Variants in TRIM38 observed in about 807,000 individuals in gnomAD.
TRIM38 encodes the protein E3 ubiquitin-protein ligase TRIM38.
A neutral mutation model predicts 35.8 loss-of-function variants in TRIM38; 35 were observed. The ratio of observed to expected loss-of-function variants is 0.98; its 90% CI spans 0.75 to 1.30. The LOEUF is 1.30. Among genes scored for constraint, TRIM38 ranks in the 50% most tolerant of loss-of-function variants. The pLI is 0.00. For synonymous variants in TRIM38, 198 were observed against 204.7 expected (o/e 0.97, Z 0.28); for missense variants, 545 against 556.9 (o/e 0.98, Z 0.21).
Position 25,983,514 on chromosome 6 carries a change from C to T in TRIM38, c.1225C>T (p.Pro409Ser). The T allele has an allele frequency of 6.2e-7, 1 of 1,614,116 alleles. No individual in the cohort carries two copies. Residue 409 changes from proline to serine, a missense_variant, in exon 8 of 8, where the codon CCC becomes TCC. Coordinates refer to ENST00000357085, the MANE Select transcript of TRIM38 (RefSeq NM_006355.5). Reference protein sequence around the residue: ...PPTSLHLHEQPLLVGIFLDYE... With the variant: ...PPTSLHLHEQSLLVGIFLDYE... ...AACTTCCCTTCATCTGCATGAGCAG[C>T]CCCTGCTTGTGGGAATTTTTCTGGA... is the stretch of plus-strand genomic sequence containing the variant.
chr6:25,975,276 C>G (rs1413099852), intron 7 of TRIM38: 1 of 318,298 alleles, frequency 3.1e-6, no homozygotes, highest in Non-Finnish European at 4.5e-6. Flanking sequence ...GTGCCGCAAT[C>G]TCAGCTCACT....
intron 7 of TRIM38, among the ~76,000 whole-genome samples, chr6:25,982,305 C>A (rs1278815195): frequency 1.3e-5 from 2 of 152,214 alleles, no homozygotes; most frequent in African/African-American, 4.8e-5. Context: ...AAATGCTAAA[C>A]TGTCACAGCT....
intron 5 of TRIM38, 132 bp downstream of exon 5, chr6:25,972,231 CTAATT>C (rs1268000876): frequency 1.3e-6 from 1 of 787,492 alleles, no homozygotes; most frequent in Non-Finnish European, 2.0e-6. Flanking sequence ...CTGGCCTTCA[CTAATT>C]TATAGGGTAC....
intron 7 of TRIM38, among the ~76,000 whole-genome samples, chr6:25,978,654 C>T (rs1386729731): frequency 6.6e-6 from 1 of 152,018 alleles, no homozygotes; most frequent in African/African-American, 2.4e-5. Context: ...GAACAGGCCA[C>T]CATACCTGGC....
At position 25,966,709 on chromosome 6, in the gene TRIM38, C is replaced by T. The variant is rs769103693; in HGVS notation, c.187C>T (p.Arg63Trp). Residue 63 changes from arginine to tryptophan, a missense_variant, in exon 3 of 8, where the codon CGG (arginine) becomes TGG (tryptophan). Coordinates refer to ENST00000357085, the MANE Select transcript of TRIM38 (RefSeq NM_006355.5). ...RQETFCCPQC[R>W]APFHMDSLRP... ...GGAGACATTCTGCTGTCCCCAGTGT[C>T]GGGCTCCATTTCATATGGATAGCCT... 2 of 1,614,180 alleles carry T rather than the reference C, an allele frequency of 1.2e-6. No homozygotes were observed. The highest frequency in any genetic ancestry group is 8.5e-7 in the Non-Finnish European group (1 of 1,180,034).
Position 25,987,673 on chromosome 6 carries a change from T to C in TRIM38, c.*3986T>C, listed in dbSNP as rs911353850. On this transcript the variant is annotated 3_prime_UTR_variant, in exon 8 of 8. Transcript: ENST00000357085. Reference sequence around the variant, plus strand: ...CACCACAGTAGTACATTTATTACAATTGAACTTACATTGACACGTCATTAT... The same window carrying C: ...CACCACAGTAGTACATTTATTACAACTGAACTTACATTGACACGTCATTAT... The C allele has an allele frequency of 6.6e-6, 1 of 152,350 alleles. No individual in the cohort carries two copies. The highest frequency in any genetic ancestry group is 1.5e-5 in the Non-Finnish European group (1 of 68,036). The allele number at this position is 152,350 out of a possible 1,614,324, so 9.4% of individuals were successfully genotyped here. A position where few individuals can be genotyped will look rare whatever the true frequency, so the allele number is the denominator to read the frequency against.
chr6:25,964,032 G>A (rs1302846628), intron 2 of TRIM38, among the ~76,000 whole-genome samples: 1 of 152,068 alleles, frequency 6.6e-6, no homozygotes, highest in Non-Finnish European at 1.5e-5. Context: ...TGTCATGATG[G>A]TGTAGGAGCC....
chr6:25,983,062 C>A, intron 7 of TRIM38, 102 bp from the exon 8 acceptor site: 1 of 1,209,466 alleles, frequency 8.3e-7, no homozygotes, highest in Non-Finnish European at 1.1e-6. Context: ...GCACTCCAGC[C>A]TGGGTGACAG....
Position 25,983,507 on chromosome 6 carries a change from T to A in TRIM38, c.1218T>A (p.His406Gln), listed in dbSNP as rs1760625837. 6.2e-7 allele frequency: 1 copy of A among 1,614,164 alleles called. No homozygotes were observed. Among genetic ancestry groups the A allele is most frequent in the East Asian group, 2.2e-5 (1 of 44,864 alleles). Residue 406 changes from histidine to glutamine, a missense_variant, in exon 8 of 8, where the codon CAT (histidine) becomes CAA (glutamine). Coordinates refer to ENST00000357085, the MANE Select transcript of TRIM38 (RefSeq NM_006355.5). ...LTSPPTSLHL[H>Q]EQPLLVGIFL... ...CTCCCCCAACTTCCCTTCATCTGCA[T>A]GAGCAGCCCCTGCTTGTGGGAATTT...
chr6:25,978,103 C>T (rs1026857801), intron 7 of TRIM38, among the ~76,000 whole-genome samples: 1 of 151,956 alleles, frequency 6.6e-6, no homozygotes, highest in Non-Finnish European at 1.5e-5. Flanking sequence ...CACATACACA[C>T]ATATATTATA....
chr6:25,963,640 T>C (rs371159088), intron 2 of TRIM38, among the ~76,000 whole-genome samples: 173 of 152,328 alleles, frequency 1.1e-3, no homozygotes, highest in African/African-American at 3.9e-3. Context: ...TCTGATCCCA[T>C]AGAAATAACT....
intron 7 of TRIM38, chr6:25,975,135 GA>G (rs1760355215): frequency 1.0e-6 from 1 of 973,250 alleles, no homozygotes; most frequent in South Asian, 4.8e-5. Context: ...CGGGTCAAGT[GA>G]AACTATTTCT....
At chr6:25,972,820 C>T (rs1760279218) in intron 5 of TRIM38, among the ~76,000 whole-genome samples, 1 of 152,234 alleles carries the variant, frequency 6.6e-6, no homozygotes, top group African/African-American at 2.4e-5. Flanking sequence ...TGTTGATAAA[C>T]ATCCTGCCAT....
intron 7 of TRIM38, chr6:25,975,291 C>G (rs1760359376): frequency 7.8e-6 from 2 of 255,790 alleles, no homozygotes; most frequent in Non-Finnish European, 6.1e-6. Context: ...CTCACTGCAG[C>G]CTCTGCCTCC....
intron 7 of TRIM38, chr6:25,975,269 C>A: frequency 1.0e-5 from 4 of 389,018 alleles, no homozygotes; most frequent in Non-Finnish European, 1.1e-5. Flanking sequence ...GCTTGCAGTG[C>A]CGCAATCTCA....
intron 4 of TRIM38, among the ~76,000 whole-genome samples, chr6:25,970,731 G>A (rs1760205002): frequency 6.6e-6 from 1 of 152,048 alleles, no homozygotes; most frequent in Admixed American, 6.5e-5. Context: ...AACACTGTAT[G>A]AATTTATTTT....
rs1415684221 is a variant in TRIM38, at chr6:25,983,538, G to T, written c.1249G>T (p.Asp417Tyr). 6.2e-7 allele frequency: 1 copy of T among 1,613,914 alleles called. No individual in the cohort carries two copies. The highest frequency in any genetic ancestry group is 1.1e-5 in the South Asian group (1 of 91,064). The change falls in exon 8 of 8, where the codon GAC (aspartate) becomes TAC (tyrosine). Residue 417 changes from aspartate (D) to tyrosine (Y), a missense_variant. Asp to Tyr is a radical substitution (Grantham distance 160). Coordinates refer to ENST00000357085, the MANE Select transcript of TRIM38 (RefSeq NM_006355.5). ...GCCCCTGCTTGTGGGAATTTTTCTG[G>T]ACTATGAGGCCGGAGTTGTATCCTT... ...EQPLLVGIFL[D>Y]YEAGVVSFYN... is the part of the protein sequence containing the mutation.
Position 25,983,263 on chromosome 6 carries a change from C to T in TRIM38, c.974C>T (p.Thr325Ile), listed in dbSNP as rs774393760. ...TRGYTQENQD[T>I]SSRRFTAFPC... Reference sequence around the variant, plus strand: ...GGATACACCCAGGAGAATCAGGACACATCTTCCAGGAGATTTACTGCCTTC... The same window carrying T: ...GGATACACCCAGGAGAATCAGGACATATCTTCCAGGAGATTTACTGCCTTC... Residue 325 changes from threonine (T) to isoleucine (I), a missense_variant, in exon 8 of 8, where the codon ACA becomes ATA. Transcript: ENST00000357085. 2 of 1,614,154 alleles carry T rather than the reference C, an allele frequency of 1.2e-6. No individual in the cohort carries two copies. Among genetic ancestry groups the T allele is most frequent in the South Asian group, 1.1e-5 (1 of 91,086 alleles).
chr6:25,974,229 G>A (rs1313768596), intron 7 of TRIM38, among the ~76,000 whole-genome samples: 4 of 152,152 alleles, frequency 2.6e-5, no homozygotes, highest in Admixed American at 1.3e-4. Flanking sequence ...GAGGTAGCAG[G>A]CAGAATTTCT....
Sources: allele counts gnomAD v4.1 joint callset (sites outside exome capture counted in the v4.1 genomes callset), GRCh38; gene constraint gnomAD v4.1.1; transcripts MANE v1.5; gene names NCBI Gene and HGNC (gene_info 2026-07-23, HGNC 2026-07-21).